ATP2A1: variants seen among roughly 807,000 people sequenced by gnomAD.
The protein encoded by ATP2A1 is sarcoplasmic/endoplasmic reticulum calcium ATPase 1.
A neutral mutation model predicts 109.5 loss-of-function variants in ATP2A1; 83 were observed. The ratio of observed to expected loss-of-function variants is 0.76; its 90% CI spans 0.63 to 0.91. The LOEUF is 0.91. Ranked by LOEUF, ATP2A1 falls within the 40% of genes least tolerant of loss-of-function variation. The pLI is 0.00. For synonymous variants in ATP2A1, 505 were observed against 537.6 expected, an observed-to-expected ratio of 0.94 and a Z score of 0.84; for missense variants, 1,101 against 1,341.0, an observed-to-expected ratio of 0.82 and a Z score of 2.80.
At chr16:28,884,494 T>C in intron 5 of ATP2A1, 81 bp from the exon 6 acceptor site, 2 of 1,341,178 alleles carry the variant, frequency 1.5e-6, no homozygotes, top group Non-Finnish European at 2.1e-6. Flanking sequence ...GGAGAACGAG[T>C]CAGACACAGA....
chr16:28,882,317 G>A, intron 4 of ATP2A1, 134 bp from the exon 5 acceptor site: 1 of 1,342,680 alleles, frequency 7.4e-7, no homozygotes, highest in Middle Eastern at 2.5e-4. Context: ...GTTTTCACCT[G>A]TAGGTGACAG....
rs1422647683 is a variant in ATP2A1 at position 28,884,633 on chromosome 16, G to T, written c.522G>T (p.Arg174=). 6.2e-7 allele frequency: 1 copy of T among 1,613,644 alleles called. No individual in the cohort carries two copies. The highest frequency in any genetic ancestry group is 1.3e-5 in the African/African-American group (1 of 74,902). The change falls in exon 6 of 23, where the codon CGG becomes CGT. Residue 174 remains arginine, a synonymous_variant. Coordinates refer to ENST00000395503, the MANE Select transcript of ATP2A1 (RefSeq NM_004320.6). ...RILAIKSTTL[R]VDQSILTGES... ...TCGCCATCAAATCCACCACGCTGCG[G>T]GTTGACCAGTCCATCCTGACAGGTC...
intron 9 of ATP2A1, chr16:28,892,498 A>AGAG (rs1289694055): frequency 2.4e-5 from 4 of 167,448 alleles, no homozygotes; most frequent in African/African-American, 9.6e-5. Flanking sequence ...TGAAAGCCTT[A>AGAG]GAGGAGGCTG....
intron 15 of ATP2A1, 95 bp from the exon 16 acceptor site, chr16:28,901,768 G>A: frequency 1.8e-6 from 2 of 1,129,368 alleles, no homozygotes; most frequent in Non-Finnish European, 2.6e-6. Context: ...ACCAGCCTGG[G>A]CAACAGAGTG....
At position 28,878,644 on chromosome 16, in the gene ATP2A1, C is replaced by G; in HGVS notation, c.-28C>G. On this transcript the variant is annotated 5_prime_UTR_variant, in exon 1 of 23. Transcript: ENST00000395503. ...TGGGAACCCCCTGGAAGGAACACAC[C>G]GGCCCCGGCCCCCAGGAAGGGAGCA... The G allele has an allele frequency of 6.4e-7, 1 of 1,563,426 alleles. No homozygotes were observed. The highest frequency in any genetic ancestry group is 8.7e-7 in the Non-Finnish European group (1 of 1,149,406).
chr16:28,898,173 C>T lies in ATP2A1; in HGVS notation c.1545+48C>T. 1 of 1,614,192 alleles carries T rather than the reference C, an allele frequency of 6.2e-7. No homozygotes were observed. The highest frequency in any genetic ancestry group is 8.5e-7 in the Non-Finnish European group (1 of 1,180,004). On this transcript the variant is annotated intron_variant, in intron 13 of 22. Transcript: ENST00000395503. The surrounding 1 kb of genome is among the most constrained non-coding windows in gnomAD (Gnocchi z 4.0). The stretch of plus-strand genomic sequence containing the variant: ...AGCCCCCTCTTCTTCCTACTCCTAG[C>T]CACCTGTCACTGCCCTGGAAGGAAA...
At chr16:28,881,377 C>G (rs1963473300) in intron 4 of ATP2A1, 1 of 371,982 alleles carries the variant, frequency 2.7e-6, no homozygotes, top group African/African-American at 2.1e-5. Context: ...CCTGACCACC[C>G]CCTACATGTC....
At chr16:28,895,967 T>C (rs1378615265) in intron 12 of ATP2A1, among the ~76,000 whole-genome samples, 1 of 152,182 alleles carries the variant, frequency 6.6e-6, no homozygotes, top group Non-Finnish European at 1.5e-5. Flanking sequence ...TATTTATTTT[T>C]GAGATGGGGT....
chr16:28,878,940 AAAAC>A (rs1417350441), intron 1 of ATP2A1, 151 bp downstream of exon 1: 2 of 1,341,010 alleles, frequency 1.5e-6, no homozygotes, highest in African/African-American at 2.9e-5. Flanking sequence ...AGATACTGAG[AAAAC>A]AGAGTCCCGA....
At chr16:28,881,087 T>TCTC in intron 4 of ATP2A1, 68 bp downstream of exon 4, 1 of 1,467,296 alleles carries the variant, frequency 6.8e-7, no homozygotes. Context: ...CTCCCTCCAG[T>TCTC]CTCCTCCTCC....
chr16:28,879,757 T>C (rs1292668419), intron 3 of ATP2A1, 174 bp downstream of exon 3: 1 of 792,710 alleles, frequency 1.3e-6, no homozygotes, highest in East Asian at 2.7e-5. Context: ...TCTCCTCCCC[T>C]GCACCCCAGA....
Position 28,894,520 on chromosome 16 carries a change from G to A in ATP2A1, c.1200G>A (p.Lys400=), listed in dbSNP as rs773133347. 1 of 1,613,944 alleles carries A rather than the reference G, an allele frequency of 6.2e-7. No homozygotes were observed. The highest frequency in any genetic ancestry group is 2.2e-5 in the East Asian group (1 of 44,870). ...APEGEVLKND[K]PVRPGQYDGL... ...CTGCTGCCAGCTTGAAGAATGATAAGCCAGTCCGGCCAGGGCAGTATGACG... is the reference window on the plus strand; with the variant it reads ...CTGCTGCCAGCTTGAAGAATGATAAACCAGTCCGGCCAGGGCAGTATGACG... The change falls in exon 11 of 23, where the codon AAG becomes AAA. Residue 400 remains lysine, a synonymous_variant. Transcript: ENST00000395503.
At position 28,884,588 on chromosome 16, in the gene ATP2A1, C is replaced by T. The variant is rs1402210337; in HGVS notation, c.477C>T (p.Val159=). The change falls in exon 6 of 23, where the codon GTC becomes GTT. Residue 159 remains valine (V), a synonymous_variant. Coordinates refer to ENST00000395503, the MANE Select transcript of ATP2A1 (RefSeq NM_004320.6). ...CTCTCTCCACAGTGGGGGACAAAGT[C>T]CCTGCAGACATCCGAATCCTCGCCA... ...DIVEVAVGDK[V]PADIRILAIK... 21 of 1,613,772 alleles carry T rather than the reference C, an allele frequency of 1.3e-5. No homozygotes were observed. The highest frequency in any genetic ancestry group is 1.8e-5 in the Non-Finnish European group (21 of 1,179,978).
rs1393992018 is a variant in ATP2A1, at chr16:28,883,146, C to G, written c.463+557C>G. On this transcript the variant is annotated intron_variant, in intron 5 of 22. Coordinates refer to ENST00000395503, the MANE Select transcript of ATP2A1 (RefSeq NM_004320.6). The surrounding 1 kb of genome is among the most constrained non-coding windows in gnomAD (Gnocchi z 5.2). ...CGGCAAGGGACACTTAATGCCTGGC[C>G]AGGGAGGGGTGGGGGCCGGGTGGCT... Among the ~76,000 whole-genome samples, 1 of 152,210 alleles carries G rather than the reference C, an allele frequency of 6.6e-6. No homozygotes were observed. Among genetic ancestry groups the G allele is most frequent in the Non-Finnish European group, 1.5e-5 (1 of 68,034 alleles).
chr16:28,884,434 G>A (rs1963564046), intron 5 of ATP2A1, 141 bp from the exon 6 acceptor site: 3 of 772,670 alleles, frequency 3.9e-6, no homozygotes, highest in Admixed American at 4.1e-5. Context: ...CTCAAGCCAA[G>A]GGCCTGATGC....
Position 28,898,533 on chromosome 16 carries a change from G to C in ATP2A1, c.1764+82G>C. The C allele has an allele frequency of 3.5e-6, 5 of 1,447,674 alleles. No homozygotes were observed. Among genetic ancestry groups the C allele is most frequent in the Non-Finnish European group, 4.7e-6 (5 of 1,054,364 alleles). The allele number at this position is 1,447,674 out of a possible 1,614,324, so 89.7% of individuals were successfully genotyped here. ...CATCCACTCACAGCTCCACCACCCG[G>C]ATCATTTCCTACCTCGTCAGTCAAG... On this transcript the variant is annotated intron_variant, in intron 14 of 22. Transcript: ENST00000395503. The surrounding 1 kb of genome is among the most constrained non-coding windows in gnomAD (Gnocchi z 4.0).
Position 28,902,193 on chromosome 16 carries a change from G to C in ATP2A1, c.2331G>C (p.Leu777=), listed in dbSNP as rs1271049160. 2 of 1,613,980 alleles carry C rather than the reference G, an allele frequency of 1.2e-6. No individual in the cohort carries two copies. The highest frequency in any genetic ancestry group is 1.7e-5 in the Admixed American group (1 of 60,000). ...SNVGEVVCIF[L]TAALGLPEAL... ...CACCTCCTTCCCACAGTATCTTCCTGACCGCTGCCCTGGGGCTGCCTGAGG... is the reference window on the plus strand; with the variant it reads ...CACCTCCTTCCCACAGTATCTTCCTCACCGCTGCCCTGGGGCTGCCTGAGG... Residue 777 remains leucine (L), a synonymous_variant, in exon 17 of 23, where the codon CTG becomes CTC. Transcript: ENST00000395503. This position sits in a 1 kb window ranked among gnomAD's most constrained non-coding sequence, Gnocchi z 4.8.
rs1349621284 is a variant in ATP2A1 at position 28,902,509 on chromosome 16, A to G, written c.2525-71A>G. ...CCTTGGCCAGCCTGTCCATGGCCAC[A>G]TGAGGCCCTCAACCCTCGATGCCCC... On this transcript the variant is annotated intron_variant, in intron 17 of 22. Coordinates refer to ENST00000395503, the MANE Select transcript of ATP2A1 (RefSeq NM_004320.6). The surrounding 1 kb of genome is among the most constrained non-coding windows in gnomAD (Gnocchi z 4.8). The G allele has an allele frequency of 1.9e-5, 30 of 1,568,856 alleles. 1 individual carries two copies. The highest frequency in any genetic ancestry group is 3.5e-6 in the Non-Finnish European group (4 of 1,145,680).
chr16:28,879,094 G>C lies in ATP2A1; in HGVS notation c.119-5G>C, dbSNP rs767398402. On this transcript the variant is annotated splice_polypyrimidine_tract_variant and splice_region_variant and intron_variant, in intron 1 of 22. Transcript: ENST00000395503. The stretch of plus-strand genomic sequence containing the variant: ...ATCTGTCCTTTTCTTCTTTTTCCTG[G>C]GTAGAGCTCCCTGCTGAGGAAGGTA... The C allele has an allele frequency of 6.2e-7, 1 of 1,613,992 alleles. No homozygotes were observed. Among genetic ancestry groups the C allele is most frequent in the South Asian group, 1.1e-5 (1 of 91,064 alleles).
Sources: gnomAD v4.1 joint callset for allele counts (sites outside exome capture counted in the v4.1 genomes callset) on GRCh38, gnomAD v4.1.1 for gene constraint, Gnocchi (gnomAD v3.1) non-coding constraint, MANE v1.5 for transcripts, NCBI Gene and HGNC (gene_info 2026-07-23, HGNC 2026-07-21) for gene names.